Variants in OSMR observed in about 807,000 individuals in gnomAD.
The protein encoded by OSMR is oncostatin M receptor.
A neutral mutation model predicts 99.9 loss-of-function variants in OSMR; 81 were observed. That is an observed-to-expected ratio of 0.81 (90% CI 0.68 to 0.97). The LOEUF is 0.97. Ranked by LOEUF, OSMR falls within the 50% of genes least tolerant of loss-of-function variation. The probability of loss-of-function intolerance (pLI) is 0.00; values close to 1 mark genes in which losing one functional copy is unlikely to be tolerated. For synonymous variants in OSMR, 406 were observed against 410.4 expected (o/e 0.99, Z 0.13); for missense variants, 1,099 against 1,153.4 (o/e 0.95, Z 0.68).
rs1160316601 is a variant in OSMR, at chr5:38,855,198, G to A, written c.-14+8811G>A. 2.6e-5 allele frequency among the ~76,000 whole-genome samples: 4 copies of A among 152,202 alleles called. 1 individual carries two copies. In the East Asian group the frequency reaches 7.7e-4, roughly 29 times the overall value. On this transcript the variant is annotated intron_variant, in intron 1 of 17. Coordinates refer to ENST00000274276, the MANE Select transcript of OSMR (RefSeq NM_003999.3). The stretch of plus-strand genomic sequence containing the variant: ...CACTTGATCTGCAGGAGGGGCCACA[G>A]TAGAGGGTGTGGAGCAGCCCAGAGC...
chr5:38,896,972 A>G (rs1250061191), intron 7 of OSMR, among the ~76,000 whole-genome samples: 1 of 152,074 alleles, frequency 6.6e-6, no homozygotes, highest in Admixed American at 6.5e-5. Context: ...GCATATGTTG[A>G]ACCATCCTTG....
chr5:38,931,053 T>C (rs746937940), intron 15 of OSMR, among the ~76,000 whole-genome samples: 1 of 151,994 alleles, frequency 6.6e-6, no homozygotes, highest in Non-Finnish European at 1.5e-5. Context: ...TTGTCAGGGT[T>C]TCCTACCATT....
chr5:38,898,438 A>G (rs1218807338), intron 7 of OSMR, among the ~76,000 whole-genome samples: 2 of 152,106 alleles, frequency 1.3e-5, no homozygotes, highest in Non-Finnish European at 2.9e-5. Context: ...TTTGGTTTCC[A>G]TTGTCATAGA....
chr5:38,916,511 G>C (rs999521077), intron 9 of OSMR, among the ~76,000 whole-genome samples: 1 of 152,130 alleles, frequency 6.6e-6, no homozygotes, highest in East Asian at 1.9e-4. Context: ...AGGATTAAAT[G>C]AGTTAATATA....
intron 9 of OSMR, among the ~76,000 whole-genome samples, chr5:38,905,700 C>T (rs1745183187): frequency 6.6e-6 from 1 of 152,156 alleles, no homozygotes; most frequent in South Asian, 2.1e-4. Context: ...TCCAGGCAGC[C>T]TGACACCAGA....
At chr5:38,880,428 C>T (rs976406737) in intron 3 of OSMR, among the ~76,000 whole-genome samples, 1 of 152,126 alleles carries the variant, frequency 6.6e-6, no homozygotes, top group Admixed American at 6.6e-5. Context: ...ATGCCTGGAG[C>T]TTTGGGGGAC....
At chr5:38,929,351 G>C (rs79640185) in intron 15 of OSMR, among the ~76,000 whole-genome samples, 6,043 of 152,190 alleles carry the variant, frequency 0.04, 168 homozygotes, top group Middle Eastern at 0.068. Context: ...GAGACAGAGA[G>C]GGTAAACAGT....
At position 38,886,330 on chromosome 5, in the gene OSMR, G is replaced by A. The variant is rs114428599; in HGVS notation, c.991+140G>A. 1,119 of 1,509,132 alleles carry A rather than the reference G, an allele frequency of 7.4e-4. 7 individuals are homozygous for A. In the African/African-American group the frequency reaches 0.014, roughly 19 times the overall value. 93.5% of individuals were successfully genotyped at this position (1,509,132 alleles called of 1,614,324 possible). A position where few individuals can be genotyped will look rare whatever the true frequency, so the allele number is the denominator to read the frequency against. Reference sequence around the variant, plus strand: ...GTTAGAATTTATACCTATTGTTCATGCCACGTTTCTCCTCATGGATGCACG... The same window carrying A: ...GTTAGAATTTATACCTATTGTTCATACCACGTTTCTCCTCATGGATGCACG... On this transcript the variant is annotated intron_variant, in intron 7 of 17. Transcript: ENST00000274276.
chr5:38,918,212 C>CT (rs1168652616), intron 10 of OSMR, among the ~76,000 whole-genome samples: 1 of 151,924 alleles, frequency 6.6e-6, no homozygotes, highest in Non-Finnish European at 1.5e-5. Context: ...GCATGCCAGT[C>CT]TGCATGTCTG....
chr5:38,936,311 T>C (rs1251208222), downstream of OSMR, among the ~76,000 whole-genome samples: 1 of 152,056 alleles, frequency 6.6e-6, no homozygotes, highest in Non-Finnish European at 1.5e-5. Flanking sequence ...AAGCTCTACT[T>C]TTTCTAATAG....
rs1362787345 is a variant in OSMR at position 38,925,187 on chromosome 5, C to T, written c.2045-17C>T. The T allele has an allele frequency of 4.3e-6, 7 of 1,611,986 alleles. No individual in the cohort carries two copies. The highest frequency in any genetic ancestry group is 5.9e-6 in the Non-Finnish European group (7 of 1,179,138). On this transcript the variant is annotated splice_polypyrimidine_tract_variant and intron_variant, in intron 14 of 17. Transcript: ENST00000274276. ...TCTTTTTTTTCCTTGAAAAAAAAACCATTTAAAAAATCACAGATGGTTCAG... is the reference window on the plus strand; with the variant it reads ...TCTTTTTTTTCCTTGAAAAAAAAACTATTTAAAAAATCACAGATGGTTCAG...
chr5:38,877,884 T>C (rs1480408477), intron 3 of OSMR, among the ~76,000 whole-genome samples: 1 of 152,216 alleles, frequency 6.6e-6, no homozygotes, highest in Non-Finnish European at 1.5e-5. Flanking sequence ...TCTGTTTTCA[T>C]ATTTGATTCC....
chr5:38,945,474 G>A, downstream of OSMR: 1 of 1,528,018 alleles, frequency 6.5e-7, no homozygotes, highest in Non-Finnish European at 9.0e-7. Context: ...TTCTGAAGGT[G>A]GGACGTGATC....
intron 9 of OSMR, among the ~76,000 whole-genome samples, chr5:38,909,681 C>G (rs357256): frequency 0.67 from 101,713 of 152,134 alleles, 34,846 homozygotes; most frequent in African/African-American, 0.83. Flanking sequence ...CAAATGCTAA[C>G]GGAATTCACT....
rs182033463 is a variant in OSMR, at chr5:38,922,378, G to T, written c.1765+584G>T. ...GATCAAGGTTCTGCCAATTTCAGTG[G>T]TATGGTGGGTTGTGGAAGGAGATTG... On this transcript the variant is annotated intron_variant, in intron 12 of 17. Transcript: ENST00000274276. 1.1e-3 allele frequency among the ~76,000 whole-genome samples: 165 copies of T among 152,316 alleles called. 1 individual carries two copies. The highest frequency in any genetic ancestry group is 3.8e-3 in the African/African-American group (157 of 41,568).
chr5:38,938,459 T>C (rs561516271), downstream of OSMR: 34 of 231,990 alleles, frequency 1.5e-4, no homozygotes, highest in East Asian at 1.4e-3. Flanking sequence ...AGTAGCAAAA[T>C]TGAAAGGTAT....
intron 7 of OSMR, among the ~76,000 whole-genome samples, chr5:38,902,897 T>G (rs751557029): frequency 6.6e-6 from 1 of 152,108 alleles, no homozygotes; most frequent in Admixed American, 6.5e-5. Flanking sequence ...CTCCCCTGTT[T>G]CCACGCTTCT....
At chr5:38,868,839 AG>A (rs1428431393) in intron 1 of OSMR, 192 bp from the exon 2 acceptor site, 1 of 191,810 alleles carries the variant, frequency 5.2e-6, no homozygotes, top group African/African-American at 2.4e-5. Context: ...AGACCCAAAA[AG>A]GTCCCATGGG....
rs1025279284 is a variant in OSMR at position 38,894,967 on chromosome 5, GTC to G, written c.991+8780_991+8781del. Reference sequence around the variant, plus strand: ...AACCAGATGCTCGGCCATAAATCAAGTCTCAATAAAAGCAAAAAAAAAATAAA... The same window carrying G: ...AACCAGATGCTCGGCCATAAATCAAGTCAATAAAAGCAAAAAAAAAATAAA... On this transcript the variant is annotated intron_variant, in intron 7 of 17. Coordinates refer to ENST00000274276, the MANE Select transcript of OSMR (RefSeq NM_003999.3). Among the ~76,000 whole-genome samples, 3 of 147,280 alleles carry G rather than the reference GTC, an allele frequency of 2.0e-5. No homozygotes were observed. In the Admixed American group the frequency reaches 2.0e-4, roughly 10 times the overall value.
Sources: allele counts gnomAD v4.1 joint callset (sites outside exome capture counted in the v4.1 genomes callset), GRCh38; gene constraint gnomAD v4.1.1; transcripts MANE v1.5; gene names NCBI Gene and HGNC (gene_info 2026-07-23, HGNC 2026-07-21).